The following SMYD3 variants were observed in gnomAD, a reference collection of about 807,000 sequenced individuals.
SMYD3 encodes histone-lysine N-methyltransferase SMYD3.
SMYD3 carries 36 observed loss-of-function variants against 57.7 expected under a neutral mutation model. The ratio of observed to expected loss-of-function variants is 0.62; its 90% CI spans 0.48 to 0.82. The LOEUF (loss-of-function observed/expected upper bound fraction) is 0.82, where lower values mean the gene tolerates loss of function less well. SMYD3 is among the 40% of genes least tolerant of loss of function. The probability of loss-of-function intolerance (pLI) is 0.00; values close to 1 mark genes in which losing one functional copy is unlikely to be tolerated. For synonymous variants in SMYD3, 211 were observed against 195.0 expected, an observed-to-expected ratio of 1.08 and a Z score of -0.68; for missense variants, 515 against 538.8, an observed-to-expected ratio of 0.96 and a Z score of 0.44.
chr1:246,213,758 T>A (rs770437790), intron 5 of SMYD3, among the ~76,000 whole-genome samples: 3 of 152,208 alleles, frequency 2.0e-5, no homozygotes, highest in African/African-American at 7.2e-5. Context: ...TTAGCATCTG[T>A]AATGGCCATC....
intron 5 of SMYD3, among the ~76,000 whole-genome samples, chr1:245,943,775 T>C (rs1382074328): frequency 6.6e-6 from 1 of 152,104 alleles, no homozygotes; most frequent in Non-Finnish European, 1.5e-5. Context: ...ATCAAAAAAC[T>C]TACCCACCAT....
At chr1:245,793,398 A>G (rs1298788390) in intron 10 of SMYD3, among the ~76,000 whole-genome samples, 1 of 152,164 alleles carries the variant, frequency 6.6e-6, no homozygotes, top group Non-Finnish European at 1.5e-5. Flanking sequence ...AACAACACTA[A>G]TTTGACCATG....
At chr1:245,950,097 A>C (rs1163529305) in intron 5 of SMYD3, among the ~76,000 whole-genome samples, 2 of 152,190 alleles carry the variant, frequency 1.3e-5, no homozygotes, top group African/African-American at 4.8e-5. Context: ...TGACAAAAGC[A>C]AGGACATATG....
intron 10 of SMYD3, among the ~76,000 whole-genome samples, chr1:245,772,125 T>C (rs1328325550): frequency 6.6e-6 from 1 of 152,152 alleles, no homozygotes; most frequent in Non-Finnish European, 1.5e-5. Context: ...TCAGCTCTTG[T>C]TTGGTTTCTG....
chr1:246,051,327 C>A (rs1251472795), intron 5 of SMYD3, among the ~76,000 whole-genome samples: 1 of 151,928 alleles, frequency 6.6e-6, no homozygotes, highest in African/African-American at 2.4e-5. Flanking sequence ...CACCACATTG[C>A]ACAGGATGGT....
At chr1:246,500,312 G>C (rs1469128754) in intron 1 of SMYD3, among the ~76,000 whole-genome samples, 1 of 152,116 alleles carries the variant, frequency 6.6e-6, no homozygotes, top group Non-Finnish European at 1.5e-5. Context: ...CTTCCAATGA[G>C]GAAATCGGCA....
At chr1:246,471,695 A>G (rs1337524611) in intron 1 of SMYD3, among the ~76,000 whole-genome samples, 5 of 152,238 alleles carry the variant, frequency 3.3e-5, no homozygotes, top group Admixed American at 1.3e-4. Flanking sequence ...TTCCACTCGG[A>G]TTTCATTTTG....
chr1:245,982,513 ATC>A (rs2058619209), intron 5 of SMYD3, among the ~76,000 whole-genome samples: 1 of 152,224 alleles, frequency 6.6e-6, no homozygotes, highest in Non-Finnish European at 1.5e-5. Context: ...CTGAGAGTTG[ATC>A]TAATATAATA....
chr1:245,867,160 T>A (rs1200222999), intron 8 of SMYD3, among the ~76,000 whole-genome samples: 1 of 152,024 alleles, frequency 6.6e-6, no homozygotes, highest in Non-Finnish European at 1.5e-5. Context: ...ATTACAAGGG[T>A]CCTTAGAAGT....
At chr1:245,761,591 C>A (rs1348706927) in intron 11 of SMYD3, among the ~76,000 whole-genome samples, 1 of 152,098 alleles carries the variant, frequency 6.6e-6, no homozygotes, top group Non-Finnish European at 1.5e-5. Flanking sequence ...GATTTCTCTC[C>A]CATATTTTTC....
chr1:246,091,611 G>A (rs1166225215), intron 5 of SMYD3, among the ~76,000 whole-genome samples: 1 of 152,090 alleles, frequency 6.6e-6, no homozygotes, highest in African/African-American at 2.4e-5. Flanking sequence ...TTGTGCTCTG[G>A]CATTACCACT....
chr1:246,081,858 A>C (rs55988371), intron 5 of SMYD3, among the ~76,000 whole-genome samples: 67,098 of 152,054 alleles, frequency 0.44, 18,153 homozygotes, highest in Non-Finnish European at 0.61. Context: ...CTGGATTAAC[A>C]CTCCAAGACC....
intron 1 of SMYD3, among the ~76,000 whole-genome samples, chr1:246,504,734 A>C (rs2068509869): frequency 6.6e-6 from 1 of 152,252 alleles, no homozygotes; most frequent in Non-Finnish European, 1.5e-5. Flanking sequence ...CCAGACATTC[A>C]TACTAAAACT....
chr1:245,902,502 G>A (rs1047480347), intron 8 of SMYD3, among the ~76,000 whole-genome samples: 1 of 152,194 alleles, frequency 6.6e-6, no homozygotes, highest in Non-Finnish European at 1.5e-5. Context: ...GGACAGGCCT[G>A]GGTCAACCCA....
intron 5 of SMYD3, among the ~76,000 whole-genome samples, chr1:246,002,309 C>A (rs897198931): frequency 1.1e-5 from 1 of 92,636 alleles, no homozygotes; most frequent in African/African-American, 3.2e-5. Context: ...CTCAGCCTCC[C>A]GAGTAGCTGG....
rs140434466 is a variant in SMYD3, at chr1:246,248,734, C to T, written c.531+78467G>A. Among the ~76,000 whole-genome samples, 482 of 148,166 alleles carry T rather than the reference C, an allele frequency of 3.3e-3. 1 individual carries two copies. The highest frequency in any genetic ancestry group is 0.011 in the African/African-American group (452 of 40,184). ...TTGGCTCACTGCAAGCTCTGTCTCC[C>T]GGGTTCACGCCATTGTCCTGCCTCA... On this transcript the variant is annotated intron_variant, in intron 5 of 11. Transcript: ENST00000490107.
At chr1:246,414,522 T>C (rs1282031703) in intron 1 of SMYD3, among the ~76,000 whole-genome samples, 2 of 152,142 alleles carry the variant, frequency 1.3e-5, no homozygotes, top group Non-Finnish European at 2.9e-5. Context: ...CATGGTGTCA[T>C]GTAAATCACT....
At chr1:246,316,539 T>C (rs1354285449) in intron 5 of SMYD3, among the ~76,000 whole-genome samples, 27 of 135,164 alleles carry the variant, frequency 2.0e-4, no homozygotes, top group Admixed American at 1.5e-3. Flanking sequence ...TTTGTTGTTT[T>C]GGTTTTTTTT....
intron 1 of SMYD3, among the ~76,000 whole-genome samples, chr1:246,379,334 C>T (rs1267056088): frequency 3.3e-5 from 5 of 151,926 alleles, no homozygotes; most frequent in African/African-American, 7.2e-5. Flanking sequence ...ATTATCATCA[C>T]GGTTTTATTA....
Sources: allele counts gnomAD v4.1 joint callset (sites outside exome capture counted in the v4.1 genomes callset), GRCh38; gene constraint gnomAD v4.1.1; transcripts MANE v1.5; gene names NCBI Gene and HGNC (gene_info 2026-07-23, HGNC 2026-07-21).